Variants in CATSPERT observed in about 807,000 individuals in gnomAD.
CATSPERT encodes the protein catsper channel auxiliary subunit tau.
At chr2:201,589,079 C>A in the CATSPERT span, among the ~76,000 whole-genome samples, 1 of 152,086 alleles carries the variant, frequency 6.6e-6, no homozygotes, top group African/African-American at 2.4e-5. Context: ...AGGAGAACTA[C>A]AAACCACTGC....
At chr2:201,503,680 G>GC in the CATSPERT span, among the ~76,000 whole-genome samples, 1 of 152,300 alleles carries the variant, frequency 6.6e-6, no homozygotes, top group African/African-American at 2.4e-5. Context: ...TTGCAGGTGT[G>GC]AGCCACTGTG....
chr2:201,572,023 G>GA, the CATSPERT span: 7 of 1,605,680 alleles, frequency 4.4e-6, no homozygotes, highest in East Asian at 6.7e-5. Flanking sequence ...GGTTTTAACT[G>GA]AAAAAAATGT....
chr2:201,548,192 C>T, the CATSPERT span, among the ~76,000 whole-genome samples: 1 of 151,974 alleles, frequency 6.6e-6, no homozygotes, highest in African/African-American at 2.4e-5. Context: ...TAATGCTATC[C>T]CTCCCCCAAA....
the CATSPERT span, among the ~76,000 whole-genome samples, chr2:201,503,752 A>T: frequency 7.3e-6 from 1 of 136,400 alleles, no homozygotes; most frequent in Admixed American, 7.9e-5. Context: ...TATGTTGTTG[A>T]TTGATAAATT....
chr2:201,540,026 T>C, the CATSPERT span, among the ~76,000 whole-genome samples: 1 of 152,106 alleles, frequency 6.6e-6, no homozygotes, highest in Non-Finnish European at 1.5e-5. Flanking sequence ...ATTTTAATAA[T>C]CTGGACAGAA....
At chr2:201,543,427 G>T in the CATSPERT span, among the ~76,000 whole-genome samples, 1 of 152,164 alleles carries the variant, frequency 6.6e-6, no homozygotes, top group African/African-American at 2.4e-5. Flanking sequence ...TGAATCTGTA[G>T]ATTGCTTTGG....
chr2:201,523,203 A>G, the CATSPERT span, among the ~76,000 whole-genome samples: 1 of 152,016 alleles, frequency 6.6e-6, no homozygotes, highest in Non-Finnish European at 1.5e-5. Context: ...TGCAGACCCC[A>G]CTGACGTCAC....
chr2:201,583,634 G>A, the CATSPERT span, among the ~76,000 whole-genome samples: 3 of 152,068 alleles, frequency 2.0e-5, no homozygotes, highest in East Asian at 1.9e-4. Context: ...TAGTGGGCTC[G>A]GTTGCCTTAG....
At chr2:201,572,895 A>G in the CATSPERT span, among the ~76,000 whole-genome samples, 1 of 152,224 alleles carries the variant, frequency 6.6e-6, no homozygotes, top group Non-Finnish European at 1.5e-5. Flanking sequence ...CTCAGTTAAC[A>G]CAGCGGTAGA....
chr2:201,578,757 T>A, the CATSPERT span, among the ~76,000 whole-genome samples: 14 of 152,304 alleles, frequency 9.2e-5, no homozygotes, highest in African/African-American at 3.4e-4. Context: ...TTTGCATATA[T>A]GCTTCTAGTC....
chr2:201,492,055 A>C, the CATSPERT span: 6 of 1,530,434 alleles, frequency 3.9e-6, no homozygotes, highest in Non-Finnish European at 3.5e-6. Flanking sequence ...TTCCTTAATT[A>C]AAGATGAATT....
the CATSPERT span, among the ~76,000 whole-genome samples, chr2:201,609,364 T>A: frequency 6.6e-6 from 1 of 152,146 alleles, no homozygotes; most frequent in Non-Finnish European, 1.5e-5. Flanking sequence ...TACAGAATAT[T>A]TCATCCAACA....
chr2:201,575,034 C>CAAA, the CATSPERT span, among the ~76,000 whole-genome samples: 138 of 97,138 alleles, frequency 1.4e-3, no homozygotes, highest in African/African-American at 2.1e-3. Flanking sequence ...CACCATTTAG[C>CAAA]AAAAAAAAAA....
chr2:201,539,172 G>T, the CATSPERT span, among the ~76,000 whole-genome samples: 2 of 152,058 alleles, frequency 1.3e-5, no homozygotes, highest in African/African-American at 4.8e-5. Flanking sequence ...ATTCCTTTGG[G>T]TATATACCCA....
At chr2:201,617,466 T>C in the CATSPERT span, among the ~76,000 whole-genome samples, 5 of 152,154 alleles carry the variant, frequency 3.3e-5, no homozygotes, top group African/African-American at 1.2e-4. Context: ...GAAAGGATTC[T>C]CTATTTAATA....
the CATSPERT span, among the ~76,000 whole-genome samples, chr2:201,576,347 T>G: frequency 1.4e-4 from 21 of 152,326 alleles, no homozygotes; most frequent in African/African-American, 5.1e-4. Flanking sequence ...TATAAAAGAT[T>G]AGGCTTTCAG....
chr2:201,492,203 GC>G, the CATSPERT span: 1 of 1,520,004 alleles, frequency 6.6e-7, no homozygotes, highest in Non-Finnish European at 8.8e-7. Context: ...TTTTCTGAAT[GC>G]TTCTCCACAA....
chr2:201,495,457 T>A, the CATSPERT span, among the ~76,000 whole-genome samples: 1 of 152,160 alleles, frequency 6.6e-6, no homozygotes, highest in Admixed American at 6.5e-5. Context: ...GGGATCAAGC[T>A]CTTCTAATCA....
At chr2:201,612,433 G>A in the CATSPERT span, among the ~76,000 whole-genome samples, 1 of 151,970 alleles carries the variant, frequency 6.6e-6, no homozygotes, top group African/African-American at 2.4e-5. Context: ...AATTCACCTG[G>A]CCTGGTGGTG....
Sources: allele counts gnomAD v4.1 joint callset (sites outside exome capture counted in the v4.1 genomes callset), GRCh38; gene constraint gnomAD v4.1.1; transcripts MANE v1.5; gene names NCBI Gene and HGNC (gene_info 2026-07-23, HGNC 2026-07-21).